The following CHKA variants were observed in gnomAD, a reference collection of about 807,000 sequenced individuals.
CHKA encodes CHETK-alpha.
In CHKA, 34 loss-of-function variants were observed where a neutral mutation model predicts 60.1. The observed-to-expected ratio is 0.57, with a 90% confidence interval of 0.43 to 0.75. The LOEUF is 0.75. CHKA is among the 30% of genes least tolerant of loss of function. CHKA has a pLI of 0.00. For synonymous variants in CHKA, 217 were observed against 223.1 expected, an observed-to-expected ratio of 0.97 and a Z score of 0.24; for missense variants, 563 against 561.3, an observed-to-expected ratio of 1.00 and a Z score of -0.03.
chr11:68,100,784 TGACAGGAAGGAAACAGAAAAA>T (rs1212901754), intron 1 of CHKA, among the ~76,000 whole-genome samples: 5 of 151,032 alleles, frequency 3.3e-5, no homozygotes, highest in Non-Finnish European at 7.4e-5. Context: ...CTCAACACAA[TGACAGGAAGGAAACAGAAAAA>T]AGCAGGAAGT....
chr11:68,060,295 G>A (rs914252680), intron 11 of CHKA, among the ~76,000 whole-genome samples: 3 of 151,674 alleles, frequency 2.0e-5, no homozygotes, highest in Non-Finnish European at 4.4e-5. Context: ...GCCTCCCAAA[G>A]TTCTGGGATT....
intron 2 of CHKA, among the ~76,000 whole-genome samples, chr11:68,089,164 G>A (rs1857274092): frequency 6.6e-6 from 1 of 152,190 alleles, no homozygotes. Context: ...GTGAGTGGAA[G>A]CCCAGGTTTT....
intron 1 of CHKA, among the ~76,000 whole-genome samples, chr11:68,098,566 T>C (rs1857590512): frequency 6.6e-6 from 1 of 152,228 alleles, no homozygotes; most frequent in Non-Finnish European, 1.5e-5. Context: ...GACAACATTC[T>C]GGAGACGGAT....
chr11:68,067,971 G>A (rs1460674500), intron 7 of CHKA, among the ~76,000 whole-genome samples: 1 of 152,246 alleles, frequency 6.6e-6, no homozygotes, highest in African/African-American at 2.4e-5. Flanking sequence ...ACTGTGACTA[G>A]GGGAGGCAAG....
intron 1 of CHKA, among the ~76,000 whole-genome samples, chr11:68,108,969 C>G (rs999487115): frequency 1.1e-4 from 16 of 151,612 alleles, no homozygotes; most frequent in Admixed American, 7.2e-4. Context: ...CATTCTTTGA[C>G]GAGTTTTACC....
At chr11:68,064,701 C>T in intron 9 of CHKA, 70 bp from the exon 10 acceptor site, 1 of 859,468 alleles carries the variant, frequency 1.2e-6, no homozygotes, top group East Asian at 2.7e-5. Context: ...TGTCACTAAG[C>T]ATATGCATCT....
intron 10 of CHKA, among the ~76,000 whole-genome samples, chr11:68,062,907 G>A (rs907650935): frequency 6.6e-6 from 1 of 152,142 alleles, no homozygotes; most frequent in Non-Finnish European, 1.5e-5. Flanking sequence ...AGATGACTGT[G>A]CTAAGTGCGT....
intron 1 of CHKA, among the ~76,000 whole-genome samples, chr11:68,117,139 G>A (rs1858419669): frequency 6.6e-6 from 1 of 152,126 alleles, no homozygotes; most frequent in African/African-American, 2.4e-5. Flanking sequence ...AAAGTGCTAA[G>A]GATGAGACAC....
intron 1 of CHKA, among the ~76,000 whole-genome samples, chr11:68,100,772 C>T (rs1857684336): frequency 6.6e-6 from 1 of 151,406 alleles, no homozygotes; most frequent in African/African-American, 2.4e-5. Flanking sequence ...ACTTATTCCA[C>T]ACTCAACACA....
At chr11:68,082,289 A>G (rs777725010) in intron 2 of CHKA, among the ~76,000 whole-genome samples, 1 of 152,074 alleles carries the variant, frequency 6.6e-6, no homozygotes, top group Non-Finnish European at 1.5e-5. Context: ...CCTTCGTACT[A>G]TCTTTAATAA....
At chr11:68,058,565 A>G (rs894925778) in intron 11 of CHKA, among the ~76,000 whole-genome samples, 2 of 152,220 alleles carry the variant, frequency 1.3e-5, no homozygotes, top group Non-Finnish European at 2.9e-5. Context: ...TGTTTCTACC[A>G]TGTAGAAATC....
At chr11:68,070,603 C>A in intron 5 of CHKA, 121 bp downstream of exon 5, 1 of 1,043,764 alleles carries the variant, frequency 9.6e-7, no homozygotes, top group East Asian at 2.4e-5. Context: ...CCAGCTGACA[C>A]CCTGCACTTC....
At chr11:68,056,371 A>T (rs909850850) in intron 11 of CHKA, among the ~76,000 whole-genome samples, 4 of 152,208 alleles carry the variant, frequency 2.6e-5, no homozygotes, top group Admixed American at 6.5e-5. Context: ...ACTGTGGGTC[A>T]TAAGACTCTT....
At chr11:68,072,477 G>A (rs1177037132) in intron 4 of CHKA, among the ~76,000 whole-genome samples, 1 of 150,784 alleles carries the variant, frequency 6.6e-6, no homozygotes, top group Admixed American at 6.6e-5. Flanking sequence ...AGCCTGGGAG[G>A]TTGAAGCTGC....
chr11:68,078,017 T>C (rs987258601), intron 3 of CHKA, among the ~76,000 whole-genome samples: 3 of 152,228 alleles, frequency 2.0e-5, no homozygotes, highest in Admixed American at 6.5e-5. Flanking sequence ...CAACATGTTG[T>C]TGATGTTTAC....
chr11:68,078,561 TGA>T (rs1856866494), intron 3 of CHKA, among the ~76,000 whole-genome samples: 1 of 152,192 alleles, frequency 6.6e-6, no homozygotes, highest in African/African-American at 2.4e-5. Context: ...GGGTTTAAAC[TGA>T]CTTTTCACTT....
chr11:68,072,977 AGAGT>A (rs1360909842), intron 4 of CHKA, among the ~76,000 whole-genome samples: 3 of 152,244 alleles, frequency 2.0e-5, no homozygotes, highest in Admixed American at 2.0e-4. Flanking sequence ...CCTGGGCAAG[AGAGT>A]GAGACTCCCA....
At chr11:68,057,425 T>C (rs1391390713) in intron 11 of CHKA, among the ~76,000 whole-genome samples, 2 of 152,136 alleles carry the variant, frequency 1.3e-5, no homozygotes, top group East Asian at 1.9e-4. Flanking sequence ...GTTCACACCA[T>C]TCTCCTGCCT....
intron 10 of CHKA, among the ~76,000 whole-genome samples, chr11:68,062,384 A>C (rs1333767496): frequency 6.6e-6 from 1 of 152,234 alleles, no homozygotes; most frequent in Non-Finnish European, 1.5e-5. Context: ...GGCAGAAAAG[A>C]AAGCAAGCTT....
Sources: gnomAD v4.1 joint callset for allele counts (sites outside exome capture counted in the v4.1 genomes callset) on GRCh38, gnomAD v4.1.1 for gene constraint, MANE v1.5 for transcripts, NCBI Gene and HGNC (gene_info 2026-07-23, HGNC 2026-07-21) for gene names.